The following ZSCAN5A variants were observed in gnomAD, a reference collection of about 807,000 sequenced individuals.
The protein encoded by ZSCAN5A is zinc finger and SCAN domain-containing protein 5A.
Under a neutral mutation model 23.7 loss-of-function variants are expected in ZSCAN5A, and 12 were observed. That is an observed-to-expected ratio of 0.51 (90% CI 0.32 to 0.82). The LOEUF (loss-of-function observed/expected upper bound fraction) is 0.82, where lower values mean the gene tolerates loss of function less well. Ranked by LOEUF, ZSCAN5A falls within the 40% of genes least tolerant of loss-of-function variation. The pLI, the probability that ZSCAN5A is intolerant of heterozygous loss-of-function variation, is 0.03. For missense variants in ZSCAN5A, 597 were observed against 617.9 expected (o/e 0.97, Z 0.36); for synonymous variants, 257 against 239.9 (o/e 1.07, Z -0.66).
At chr19:56,291,212 G>A (rs1398585697) in intron 2 of ZSCAN5A, among the ~76,000 whole-genome samples, 1 of 152,180 alleles carries the variant, frequency 6.6e-6, no homozygotes, top group African/African-American at 2.4e-5. Context: ...AACCAAAGAG[G>A]GGCACCTTGC....
intron 2 of ZSCAN5A, among the ~76,000 whole-genome samples, chr19:56,272,317 G>A (rs1200339968): frequency 6.6e-6 from 1 of 152,188 alleles, no homozygotes; most frequent in Non-Finnish European, 1.5e-5. Context: ...AAATATTTTA[G>A]GCCTTTTGGC....
At chr19:56,315,824 G>C (rs1418032410), upstream of ZSCAN5A, 1 of 152,204 alleles carries the variant, frequency 6.6e-6, no homozygotes, top group Non-Finnish European at 1.5e-5. Context: ...AATTTAGGTG[G>C]TGGTTGTGAG....
At chr19:56,336,462 G>A (rs1379017427) in intron 2 of ZSCAN5A, among the ~76,000 whole-genome samples, 2 of 152,206 alleles carry the variant, frequency 1.3e-5, no homozygotes, top group African/African-American at 4.8e-5. Context: ...TCTCTGCATT[G>A]GTTATTCTAG....
In ZSCAN5A at chr19:56,224,656, C is replaced by T. The variant is rs745367017; in HGVS notation, c.384+7G>A. On this transcript the variant is annotated splice_region_variant and intron_variant, in intron 3 of 5. Transcript: ENST00000683990. The stretch of plus-strand genomic sequence containing the variant: ...TTCCCTGCACCAATCACGAGGGTCC[C>T]ACTCACCCATTTCTTGGGTCTTCTG... The T allele has an allele frequency of 3.9e-6, 6 of 1,555,962 alleles. No homozygotes were observed. Among genetic ancestry groups the T allele is most frequent in the African/African-American group, 1.4e-5 (1 of 73,664 alleles).
intron 2 of ZSCAN5A, chr19:56,244,084 C>T: frequency 7.5e-7 from 1 of 1,328,248 alleles, no homozygotes. Context: ...AGGGAGGACC[C>T]TGCAACAGCC....
At chr19:56,297,561 T>C (rs1384623939) in intron 2 of ZSCAN5A, 2 of 979,606 alleles carry the variant, frequency 2.0e-6, no homozygotes, top group Non-Finnish European at 2.4e-6. Flanking sequence ...CCATTCCTCA[T>C]CTATAAGACA....
At chr19:56,321,525 C>G in intron 2 of ZSCAN5A, 2 of 730,620 alleles carry the variant, frequency 2.7e-6, no homozygotes, top group Non-Finnish European at 5.1e-6. Flanking sequence ...CACGCACTTT[C>G]GCTGTCTGTC....
In ZSCAN5A at chr19:56,225,037, T is replaced by C; in HGVS notation, c.10A>G (p.Asn4Asp). 6.3e-7 allele frequency: 1 copy of C among 1,596,652 alleles called. No homozygotes were observed. The highest frequency in any genetic ancestry group is 8.6e-7 in the Non-Finnish European group (1 of 1,169,580). The change falls in exon 3 of 6, where the codon AAT (asparagine) becomes GAT (aspartate). Residue 4 changes from asparagine to aspartate, a missense_variant. Asn to Asp is a conservative substitution (Grantham distance 23, BLOSUM62 1). Around this residue, in one of 5 missense-constraint regions of ZSCAN5A, gnomAD observed 72 missense variants for 76.8 expected, o/e 0.94. Coordinates refer to ENST00000683990, the MANE Select transcript of ZSCAN5A (RefSeq NM_001322064.3). ...CCTAGACTCCATGAGGATGTGCAAT[T>C]TGCAGCCATATCTAGTGGAGAATTT... is the stretch of plus-strand genomic sequence containing the variant. MAA[N>D]CTSSWSLGES... is the part of the protein sequence containing the mutation.
At chr19:56,244,711 G>C (rs550262683) in intron 2 of ZSCAN5A, among the ~76,000 whole-genome samples, 1 of 149,990 alleles carries the variant, frequency 6.7e-6, no homozygotes, top group Non-Finnish European at 1.5e-5. Flanking sequence ...CAAGTTCCTG[G>C]TGTAGGAGAT....
chr19:56,326,802 G>A (rs962984256), intron 2 of ZSCAN5A, among the ~76,000 whole-genome samples: 1 of 152,100 alleles, frequency 6.6e-6, no homozygotes, highest in African/African-American at 2.4e-5. Context: ...ATATTGATGC[G>A]CTGCTCATAA....
chr19:56,237,044 G>A (rs2034989578), intron 2 of ZSCAN5A, among the ~76,000 whole-genome samples: 1 of 152,264 alleles, frequency 6.6e-6, no homozygotes, highest in South Asian at 2.1e-4. Context: ...AAGACACCGA[G>A]GGGTATTGCC....
In ZSCAN5A at chr19:56,349,140, A is replaced by T. The variant is rs983615497; in HGVS notation, c.-358+14095T>A. Among the ~76,000 whole-genome samples the T allele has an allele frequency of 5.9e-5, 9 of 152,198 alleles. No homozygotes were observed. The East Asian group carries it at 1.7e-3, about 29-fold the overall frequency. On this transcript the variant is annotated intron_variant, in intron 2 of 6. Transcript: ENST00000587340. ...AGGCAGGAAACCTCTAAATTGGTTA[A>T]GCATGTAACCTCTCTAGCTCACTTC...
intron 2 of ZSCAN5A, among the ~76,000 whole-genome samples, chr19:56,353,327 T>C (rs540150327): frequency 6.6e-6 from 1 of 152,300 alleles, no homozygotes; most frequent in South Asian, 2.1e-4. Flanking sequence ...ATTTAGCAAG[T>C]GCATGTGTGC....
intron 2 of ZSCAN5A, among the ~76,000 whole-genome samples, chr19:56,227,730 T>C (rs1421605086): frequency 1.3e-5 from 2 of 152,160 alleles, no homozygotes; most frequent in Non-Finnish European, 2.9e-5. Context: ...GATTTCACCC[T>C]GTGCAAAGGG....
chr19:56,307,857 T>G (rs1428248691), intron 2 of ZSCAN5A, among the ~76,000 whole-genome samples: 3 of 152,252 alleles, frequency 2.0e-5, no homozygotes, highest in Non-Finnish European at 4.4e-5. Flanking sequence ...CAAACCTTTG[T>G]GGAATTCCTA....
At chr19:56,237,132 G>C (rs189879102) in intron 2 of ZSCAN5A, among the ~76,000 whole-genome samples, 1 of 152,350 alleles carries the variant, frequency 6.6e-6, no homozygotes, top group East Asian at 1.9e-4. Flanking sequence ...TCTGTGAATT[G>C]TCTTCAATAA....
At position 56,360,122 on chromosome 19, in the gene ZSCAN5A, A is replaced by T. The variant is rs2041725584; in HGVS notation, c.-358+3113T>A. Among the ~76,000 whole-genome samples, 3 of 152,330 alleles carry T rather than the reference A, an allele frequency of 2.0e-5. No homozygotes were observed. The South Asian group carries it at 6.2e-4, about 32-fold the overall frequency. ...TAAAGGGTATTCAAATAGGAAGAGA[A>T]GAAGTCAACTTGTCTTTGTTTGCAG... On this transcript the variant is annotated intron_variant, in intron 2 of 6. Transcript: ENST00000587340.
At chr19:56,267,860 A>T (rs546069770) in intron 2 of ZSCAN5A, among the ~76,000 whole-genome samples, 66 of 152,344 alleles carry the variant, frequency 4.3e-4, no homozygotes, top group Admixed American at 7.8e-4. Context: ...TAGAAAAAGT[A>T]TCGACTGTTG....
intron 2 of ZSCAN5A, among the ~76,000 whole-genome samples, chr19:56,254,572 T>C (rs2036573106): frequency 1.3e-5 from 2 of 152,168 alleles, no homozygotes; most frequent in Non-Finnish European, 2.9e-5. Context: ...CATAGGAGTA[T>C]GAGTTCCTGC....
Sources: gnomAD v4.1 joint callset for allele counts (sites outside exome capture counted in the v4.1 genomes callset) on GRCh38, gnomAD v4.1.1 for gene constraint, gnomAD v4.1.1 regional missense constraint, MANE v1.5 for transcripts, NCBI Gene and HGNC (gene_info 2026-07-23, HGNC 2026-07-21) for gene names.